Variants in PACRG observed in about 807,000 individuals in gnomAD.
PACRG encodes the protein parkin coregulated gene protein.
A neutral mutation model predicts 29.7 loss-of-function variants in PACRG; 29 were observed. That is an observed-to-expected ratio of 0.98 (90% CI 0.73 to 1.33). PACRG has a LOEUF of 1.33. Among genes scored for constraint, PACRG ranks in the 40% most tolerant of loss-of-function variants. The pLI, the probability that PACRG is intolerant of heterozygous loss-of-function variation, is 0.00. For synonymous variants in PACRG, 116 were observed against 118.7 expected (o/e 0.98, Z 0.15); for missense variants, 279 against 316.2 (o/e 0.88, Z 0.89).
intron 4 of PACRG, among the ~76,000 whole-genome samples, chr6:163,292,575 A>ATTATTTAT (rs1554242810): frequency 0.13 from 12,814 of 97,854 alleles, 637 homozygotes; most frequent in African/African-American, 0.18. Context: ...TAATTTATGT[A>ATTATTTAT]TTATTTATTT....
chr6:163,246,106 A>AT (rs2128170298), intron 4 of PACRG, among the ~76,000 whole-genome samples: 1 of 152,176 alleles, frequency 6.6e-6, no homozygotes, highest in South Asian at 2.1e-4. Flanking sequence ...GTTCAATGAG[A>AT]TTTTGTCACT....
chr6:163,054,277 G>A (rs1228162933), intron 2 of PACRG: 1 of 152,210 alleles, frequency 6.6e-6, no homozygotes, highest in Non-Finnish European at 1.5e-5. Context: ...GTCTTTATAA[G>A]AAGAGAAAGA....
intron 3 of PACRG, among the ~76,000 whole-genome samples, chr6:163,071,965 G>A (rs1273298630): frequency 6.6e-6 from 1 of 151,754 alleles, no homozygotes; most frequent in Non-Finnish European, 1.5e-5. Context: ...GAAAATCCCA[G>A]GACTCAATGG....
chr6:162,875,170 G>C (rs904704507), intron 2 of PACRG, among the ~76,000 whole-genome samples: 7 of 148,604 alleles, frequency 4.7e-5, no homozygotes, highest in Non-Finnish European at 9.0e-5. Context: ...TGCACACACA[G>C]ACATTCATAC....
At chr6:163,289,096 C>T (rs1215420593) in intron 4 of PACRG, among the ~76,000 whole-genome samples, 2 of 152,134 alleles carry the variant, frequency 1.3e-5, no homozygotes, top group African/African-American at 4.8e-5. Flanking sequence ...TGGAACTGGT[C>T]GCTGGAAACC....
intron 4 of PACRG, among the ~76,000 whole-genome samples, chr6:163,122,602 C>T (rs370191521): frequency 1.1e-4 from 16 of 152,280 alleles, no homozygotes; most frequent in East Asian, 3.9e-4. Flanking sequence ...AGCTCCCCTT[C>T]GACTTCCACT....
chr6:163,026,251 T>C (rs188697360), intron 2 of PACRG, among the ~76,000 whole-genome samples: 2 of 152,300 alleles, frequency 1.3e-5, no homozygotes, highest in Admixed American at 1.3e-4. Flanking sequence ...GAGGGAAAAA[T>C]TATATGCATT....
chr6:163,165,233 T>C (rs1778743476), intron 4 of PACRG, among the ~76,000 whole-genome samples: 1 of 152,222 alleles, frequency 6.6e-6, no homozygotes, highest in South Asian at 2.1e-4. Context: ...CGTTAAGTGC[T>C]GTCTAGGGCC....
chr6:162,965,603 T>A (rs1800960095), intron 2 of PACRG, among the ~76,000 whole-genome samples: 1 of 152,124 alleles, frequency 6.6e-6, no homozygotes, highest in Admixed American at 6.6e-5. Flanking sequence ...CCTAACACCA[T>A]CACATAGGGG....
chr6:163,202,471 A>G (rs913154152), intron 4 of PACRG, among the ~76,000 whole-genome samples: 2 of 152,134 alleles, frequency 1.3e-5, no homozygotes, highest in African/African-American at 4.8e-5. Context: ...GTGTGCGTGT[A>G]TATGTGTGTA....
chr6:162,863,570 T>C (rs1253870270), intron 2 of PACRG, among the ~76,000 whole-genome samples: 2 of 152,228 alleles, frequency 1.3e-5, no homozygotes, highest in African/African-American at 4.8e-5. Flanking sequence ...CACTGAGCAG[T>C]GGAGTAACCC....
intron 2 of PACRG, among the ~76,000 whole-genome samples, chr6:162,958,870 TATATATATATATATAGAGAGAGAG>T (rs1281265694): frequency 3.1e-3 from 213 of 69,404 alleles, no homozygotes; most frequent in East Asian, 6.6e-3. Flanking sequence ...TATATATATA[TATATATATATATATAGAGAGAGAG>T]AGAGAGAGAG....
At chr6:162,789,020 A>G (rs1784733110) in intron 1 of PACRG, among the ~76,000 whole-genome samples, 1 of 152,190 alleles carries the variant, frequency 6.6e-6, no homozygotes, top group Non-Finnish European at 1.5e-5. Flanking sequence ...ACAGCCATGA[A>G]AATAATAAAT....
chr6:163,223,954 G>A (rs114518760), intron 4 of PACRG, among the ~76,000 whole-genome samples: 1,716 of 152,270 alleles, frequency 0.011, 39 homozygotes, highest in African/African-American at 0.039. Context: ...GCCTATAAGA[G>A]ACTGAGAATG....
chr6:162,944,721 C>T (rs2128123211), intron 2 of PACRG, among the ~76,000 whole-genome samples: 1 of 151,654 alleles, frequency 6.6e-6, no homozygotes, highest in South Asian at 2.1e-4. Context: ...CTAGATCAAA[C>T]AGAAGAAACA....
In PACRG at chr6:163,089,323, T is replaced by TGTGTCAGCTGAGATG. The variant is rs1366090342; in HGVS notation, c.532_546dup (p.Ser178_Val182dup). On this transcript the variant is annotated inframe_insertion, in exon 4 of 5. Coordinates refer to ENST00000366888, the MANE Select transcript of PACRG (RefSeq NM_001080379.2). ...CTCTCAAGGTCCTCCAGCATCTGGT[T>TGTGTCAGCTGAGATG]GTGTCAGCTGAGATGGTGGGCAAGG... is the stretch of plus-strand genomic sequence containing the variant. 6.2e-7 allele frequency: 1 copy of TGTGTCAGCTGAGATG among 1,614,164 alleles called. No homozygotes were observed. The highest frequency in any genetic ancestry group is 1.7e-5 in the Admixed American group (1 of 60,018).
At chr6:163,017,718 A>G (rs529846946) in intron 2 of PACRG, among the ~76,000 whole-genome samples, 10 of 152,210 alleles carry the variant, frequency 6.6e-5, no homozygotes, top group African/African-American at 2.2e-4. Flanking sequence ...ACATAAATGC[A>G]GAGATATTCT....
chr6:162,760,236 G>A (rs535386781), intron 1 of PACRG, among the ~76,000 whole-genome samples: 9 of 152,176 alleles, frequency 5.9e-5, no homozygotes, highest in Non-Finnish European at 1.2e-4. Flanking sequence ...TCAGCTGTCA[G>A]CCATGGCACA....
At chr6:163,028,388 G>A (rs1807343459) in intron 2 of PACRG, among the ~76,000 whole-genome samples, 1 of 152,084 alleles carries the variant, frequency 6.6e-6, no homozygotes, top group South Asian at 2.1e-4. Flanking sequence ...GTTAGATTTT[G>A]ATCATTTTGC....
Sources: gnomAD v4.1 joint callset for allele counts (sites outside exome capture counted in the v4.1 genomes callset) on GRCh38, gnomAD v4.1.1 for gene constraint, MANE v1.5 for transcripts, NCBI Gene and HGNC (gene_info 2026-07-23, HGNC 2026-07-21) for gene names.